MRGPRE: variants seen among roughly 807,000 people sequenced by gnomAD.
MRGPRE encodes MAS related GPR family member E, also known as mas-related G protein-coupled receptor member E.
For synonymous variants in MRGPRE, 229 were observed against 206.7 expected (o/e 1.11, Z -0.92); for missense variants, 466 against 433.4 (o/e 1.08, Z -0.67).
At position 3,231,428 on chromosome 11, in the gene MRGPRE, A is replaced by G. The variant is rs1481208880; in HGVS notation, c.-62+713T>C. ...CTGGAGGAGGTCTCCCTGTGGGACC[A>G]TGTGCCCCACTGGGGGCTCGGGAGG... On this transcript the variant is annotated intron_variant, in intron 1 of 1. Transcript: ENST00000389832. The surrounding 1 kb of genome is among the most constrained non-coding windows in gnomAD (Gnocchi z 4.7). Among the ~76,000 whole-genome samples the G allele has an allele frequency of 6.6e-6, 1 of 151,816 alleles. No homozygotes were observed. Among genetic ancestry groups the G allele is most frequent in the Non-Finnish European group, 1.5e-5 (1 of 67,942 alleles).
rs557422757 is a variant in MRGPRE at position 3,230,116 on chromosome 11, C to T, written c.-61-1256G>A. Among the ~76,000 whole-genome samples, 1 of 152,294 alleles carries T rather than the reference C, an allele frequency of 6.6e-6. No homozygotes were observed. The highest frequency in any genetic ancestry group is 2.4e-5 in the African/African-American group (1 of 41,554). On this transcript the variant is annotated intron_variant, in intron 1 of 1. Transcript: ENST00000389832. The surrounding 1 kb of genome is among the most constrained non-coding windows in gnomAD (Gnocchi z 5.5). ...GAGCCGGAGACATGCCTGCAGATAC[C>T]CGGCCCCATGCTGCCCCTGTGGTTA...
Position 3,227,945 on chromosome 11 carries a change from G to A in MRGPRE, c.855C>T (p.Val285=). ...AQGRRLPLRL[V]LQRALGDEAE... ...CCTCGTCTCCCAGCGCTCGCTGGAGGACCAGCCGGAGGGGCAGCCTGCGGC... is the reference window on the plus strand; with the variant it reads ...CCTCGTCTCCCAGCGCTCGCTGGAGAACCAGCCGGAGGGGCAGCCTGCGGC... The change falls in exon 2 of 2, where the codon GTC becomes GTT. Residue 285 remains valine (V), a synonymous_variant. Coordinates refer to ENST00000389832, the MANE Select transcript of MRGPRE (RefSeq NM_001039165.4). 1 of 1,553,568 alleles carries A rather than the reference G, an allele frequency of 6.4e-7. No individual in the cohort carries two copies. Among genetic ancestry groups the A allele is most frequent in the South Asian group, 1.2e-5 (1 of 84,086 alleles).
rs1226396016 is a variant in MRGPRE at position 3,229,814 on chromosome 11, T to A, written c.-61-954A>T. Among the ~76,000 whole-genome samples, 2 of 152,210 alleles carry A rather than the reference T, an allele frequency of 1.3e-5. No individual in the cohort carries two copies. The highest frequency in any genetic ancestry group is 2.9e-5 in the Non-Finnish European group (2 of 68,028). The stretch of plus-strand genomic sequence containing the variant: ...CAGGGTAGGGGGCACATGAGGAGGC[T>A]GCATCCTGCTCAACGTTGCCCGCCC... On this transcript the variant is annotated intron_variant, in intron 1 of 1. Coordinates refer to ENST00000389832, the MANE Select transcript of MRGPRE (RefSeq NM_001039165.4). The surrounding 1 kb of genome is among the most constrained non-coding windows in gnomAD (Gnocchi z 4.4).
At position 3,231,063 on chromosome 11, in the gene MRGPRE, C is replaced by G. The variant is rs945857769; in HGVS notation, c.-62+1078G>C. Among the ~76,000 whole-genome samples the G allele has an allele frequency of 6.6e-6, 1 of 152,044 alleles. No homozygotes were observed. The highest frequency in any genetic ancestry group is 1.5e-5 in the Non-Finnish European group (1 of 68,004). ...TGGACCCCCTCCCAGGCACAAGTCC[C>G]GTCCACCCATGGACGGAGCTATCTC... On this transcript the variant is annotated intron_variant, in intron 1 of 1. Transcript: ENST00000389832. The surrounding 1 kb of genome is among the most constrained non-coding windows in gnomAD (Gnocchi z 4.7).
rs573126710 is a variant in MRGPRE, at chr11:3,225,082, A to T, written c.*2779T>A. On this transcript the variant is annotated 3_prime_UTR_variant, in exon 2 of 2. Transcript: ENST00000389832. ...TATTTTTCCAGCGTGTGAGCTAATG[A>T]ACTAGCTGAGGAGTGAGCCTGCCTC... Among the ~76,000 whole-genome samples, 1 of 152,356 alleles carries T rather than the reference A, an allele frequency of 6.6e-6. No homozygotes were observed. Among genetic ancestry groups the T allele is most frequent in the Admixed American group, 6.5e-5 (1 of 15,312 alleles).
rs781554426 is a variant in MRGPRE at position 3,228,273 on chromosome 11, G to A, written c.527C>T (p.Thr176Met). Residue 176 changes from threonine to methionine, a missense_variant, in exon 2 of 2, where the codon ACG becomes ATG. Transcript: ENST00000389832. The part of the protein sequence containing the change: ...FGEPSRHLCR[T>M]LWLVAAVLLA... ...CAGCACCGCTGCCACCAGCCACAGC[G>A]TCCGGCACAAGTGGCGGCTGGGCTC... The A allele has an allele frequency of 2.1e-5, 33 of 1,556,602 alleles. No individual in the cohort carries two copies. The highest frequency in any genetic ancestry group is 9.5e-5 in the African/African-American group (7 of 73,592).
At position 3,228,471 on chromosome 11, in the gene MRGPRE, C is replaced by T; in HGVS notation, c.329G>A (p.Gly110Asp). The T allele has an allele frequency of 6.2e-7, 1 of 1,613,098 alleles. No homozygotes were observed. The highest frequency in any genetic ancestry group is 8.5e-7 in the Non-Finnish European group (1 of 1,179,902). Residue 110 changes from glycine to aspartate, a missense_variant, in exon 2 of 2, where the codon GGC becomes GAC. Transcript: ENST00000389832. Reference sequence around the variant, plus strand: ...GCTGACGGCCGCCAGGAGACTCAGGCCCACGATGTAGCAGAAGAAGCGCAG... The same window carrying T: ...GCTGACGGCCGCCAGGAGACTCAGGTCCACGATGTAGCAGAAGAAGCGCAG... ...ATLRFFCYIV[G>D]LSLLAAVSVE...
At position 3,226,812 on chromosome 11, in the gene MRGPRE, A is replaced by G. The variant is rs1327318652; in HGVS notation, c.*1049T>C. Among the ~76,000 whole-genome samples, 1 of 152,206 alleles carries G rather than the reference A, an allele frequency of 6.6e-6. No individual in the cohort carries two copies. The highest frequency in any genetic ancestry group is 1.9e-4 in the East Asian group (1 of 5,196). On this transcript the variant is annotated 3_prime_UTR_variant, in exon 2 of 2. Coordinates refer to ENST00000389832, the MANE Select transcript of MRGPRE (RefSeq NM_001039165.4). ...CGAGAGGCTGGACAGGCCTCAAAGC[A>G]CTGGGTTCTCATATTTTACAGACCA...
At position 3,225,131 on chromosome 11, in the gene MRGPRE, G is replaced by A. The variant is rs762214677; in HGVS notation, c.*2730C>T. Among the ~76,000 whole-genome samples the A allele has an allele frequency of 2.6e-5, 4 of 152,280 alleles. No homozygotes were observed. Among genetic ancestry groups the A allele is most frequent in the Non-Finnish European group, 4.4e-5 (3 of 68,052 alleles). ...TCTCCCCGTGAAGACGCCATGCAGC[G>A]CAGGCTGATTTACAGACTCGTACCC... On this transcript the variant is annotated 3_prime_UTR_variant, in exon 2 of 2. Transcript: ENST00000389832.
At position 3,227,333 on chromosome 11, in the gene MRGPRE, T is replaced by A. The variant is rs1847773241; in HGVS notation, c.*528A>T. The stretch of plus-strand genomic sequence containing the variant: ...CAAGGACGGGGAGGGGGTCAAGTTT[T>A]GGGCAGTCTTCCATTTTAGGGTCAA... On this transcript the variant is annotated 3_prime_UTR_variant, in exon 2 of 2. Transcript: ENST00000389832. 6.6e-6 allele frequency among the ~76,000 whole-genome samples: 1 copy of A among 152,146 alleles called. No homozygotes were observed.
In MRGPRE at chr11:3,229,212, C is replaced by CTTTTTTTTTTT. The variant is rs60799467; in HGVS notation, c.-61-363_-61-353dup. On this transcript the variant is annotated intron_variant, in intron 1 of 1. Coordinates refer to ENST00000389832, the MANE Select transcript of MRGPRE (RefSeq NM_001039165.4). This position sits in a 1 kb window ranked among gnomAD's most constrained non-coding sequence, Gnocchi z 4.4. The stretch of plus-strand genomic sequence containing the variant: ...GTGGTGCCTTGATCCTCAGAATGGG[C>CTTTTTTTTTTT]TTTTTTTTTTTTTTTTTTTTTTTTT... Among the ~76,000 whole-genome samples the CTTTTTTTTTTT allele has an allele frequency of 5.5e-5, 7 of 126,688 alleles. No homozygotes were observed. Among genetic ancestry groups the CTTTTTTTTTTT allele is most frequent in the African/African-American group, 1.7e-4 (5 of 30,002 alleles). The allele number at this position is 126,688 out of a possible 152,430, so 83.1% of individuals were successfully genotyped here. A position where few individuals can be genotyped will look rare whatever the true frequency, so the allele number is the denominator to read the frequency against.
Position 3,226,952 on chromosome 11 carries a change from T to C in MRGPRE, c.*909A>G, listed in dbSNP as rs1446364277. Among the ~76,000 whole-genome samples the C allele has an allele frequency of 6.6e-6, 1 of 152,214 alleles. No individual in the cohort carries two copies. Among genetic ancestry groups the C allele is most frequent in the Non-Finnish European group, 1.5e-5 (1 of 68,028 alleles). On this transcript the variant is annotated 3_prime_UTR_variant, in exon 2 of 2. Coordinates refer to ENST00000389832, the MANE Select transcript of MRGPRE (RefSeq NM_001039165.4). ...CCCCCACTCTAGCACCCCTGGCACA[T>C]GCTCCTGGATGGCAGCCAGGCCTGG...
At position 3,228,512 on chromosome 11, in the gene MRGPRE, C is replaced by G; in HGVS notation, c.288G>C (p.Gln96His). The G allele has an allele frequency of 6.2e-7, 1 of 1,613,818 alleles. No homozygotes were observed. Among genetic ancestry groups the G allele is most frequent in the Non-Finnish European group, 8.5e-7 (1 of 1,180,006 alleles). The change falls in exon 2 of 2, where the codon CAG (glutamine) becomes CAC (histidine). Residue 96 changes from glutamine (Q) to histidine (H), a missense_variant. Coordinates refer to ENST00000389832, the MANE Select transcript of MRGPRE (RefSeq NM_001039165.4). ...QGRLDFPGFV[Q>H]TSLATLRFFC... Reference sequence around the variant, plus strand: ...AGAAGCGCAGCGTTGCCAGGCTGGTCTGCACGAAGCCCGGGAAGTCCAGCC... The same window carrying G: ...AGAAGCGCAGCGTTGCCAGGCTGGTGTGCACGAAGCCCGGGAAGTCCAGCC...
rs750293023 is a variant in MRGPRE, at chr11:3,228,602, G to T, written c.198C>A (p.Ala66=). ...AGCCAAGGAAGATGAGATCCGCGCA[G>T]GCCACGTCCAGGAGGTAGATGGCGA... ...NPFAIYLLDV[A]CADLIFLGCH... is the part of the protein sequence containing the mutation. The change falls in exon 2 of 2, where the codon GCC becomes GCA. Residue 66 remains alanine, a synonymous_variant. Coordinates refer to ENST00000389832, the MANE Select transcript of MRGPRE (RefSeq NM_001039165.4). 6.2e-7 allele frequency: 1 copy of T among 1,614,066 alleles called. No homozygotes were observed. Among genetic ancestry groups the T allele is most frequent in the Non-Finnish European group, 8.5e-7 (1 of 1,179,996 alleles).
rs973664018 is a variant in MRGPRE at position 3,226,529 on chromosome 11, T to A, written c.*1332A>T. 1 of 152,060 alleles carries A rather than the reference T, an allele frequency of 6.6e-6. No homozygotes were observed. The highest frequency in any genetic ancestry group is 1.5e-5 in the Non-Finnish European group (1 of 68,024). The allele number at this position is 152,060 out of a possible 1,614,324, so 9.4% of individuals were successfully genotyped here. ...GTGCGGGAGCCTGAGGTGAACGCACTGTGTGGGCTGGGAGGGGCCCGGTGC... is the reference window on the plus strand; with the variant it reads ...GTGCGGGAGCCTGAGGTGAACGCACAGTGTGGGCTGGGAGGGGCCCGGTGC... On this transcript the variant is annotated 3_prime_UTR_variant, in exon 2 of 2. Transcript: ENST00000389832.
In MRGPRE at chr11:3,228,801, G is replaced by T. The variant is rs771043977; in HGVS notation, c.-2C>A. The T allele has an allele frequency of 2.5e-6, 4 of 1,600,100 alleles. No individual in the cohort carries two copies. Among genetic ancestry groups the T allele is most frequent in the South Asian group, 1.1e-5 (1 of 90,050 alleles). ...TCCAGCTTCTCTGGGCTCCATCATG[G>T]GGCGGGGGGCCAGGGGATGCTGCAG... On this transcript the variant is annotated 5_prime_UTR_variant, in exon 2 of 2. Transcript: ENST00000389832.
At position 3,230,096 on chromosome 11, in the gene MRGPRE, G is replaced by A. The variant is rs539261287; in HGVS notation, c.-61-1236C>T. 1.7e-4 allele frequency among the ~76,000 whole-genome samples: 26 copies of A among 152,290 alleles called. No individual in the cohort carries two copies. Among genetic ancestry groups the A allele is most frequent in the African/African-American group, 5.3e-4 (22 of 41,564 alleles). ...AGGAGACTGCCAGGTGCTCAGAGCC[G>A]GAGACATGCCTGCAGATACCCGGCC... On this transcript the variant is annotated intron_variant, in intron 1 of 1. Coordinates refer to ENST00000389832, the MANE Select transcript of MRGPRE (RefSeq NM_001039165.4). This position sits in a 1 kb window ranked among gnomAD's most constrained non-coding sequence, Gnocchi z 5.5.
chr11:3,227,611 G>T lies in MRGPRE; in HGVS notation c.*250C>A, dbSNP rs1422306709. ...ACCGTTGGGGAGGTTTCCCAAAAATGCACGTTCCTCGGCCTTCTCCCCAGA... is the reference window on the plus strand; with the variant it reads ...ACCGTTGGGGAGGTTTCCCAAAAATTCACGTTCCTCGGCCTTCTCCCCAGA... On this transcript the variant is annotated 3_prime_UTR_variant, in exon 2 of 2. Transcript: ENST00000389832. The T allele has an allele frequency of 2.4e-6, 1 of 416,666 alleles. No homozygotes were observed. The highest frequency in any genetic ancestry group is 4.2e-6 in the Non-Finnish European group (1 of 237,006). The allele number at this position is 416,666 out of a possible 1,614,324, so 25.8% of individuals were successfully genotyped here.
rs1192788628 is a variant in MRGPRE, at chr11:3,230,665, G to A, written c.-62+1476C>T. On this transcript the variant is annotated intron_variant, in intron 1 of 1. Transcript: ENST00000389832. This position sits in a 1 kb window ranked among gnomAD's most constrained non-coding sequence, Gnocchi z 5.5. ...GGGTGGGGGGCTCAGTGGAGAGGAG[G>A]CCCCAGTCCCAGCACCTCAGGAAGC... Among the ~76,000 whole-genome samples the A allele has an allele frequency of 8.5e-5, 13 of 152,208 alleles. No individual in the cohort carries two copies. The highest frequency in any genetic ancestry group is 2.9e-4 in the African/African-American group (12 of 41,546).
Sources: gnomAD v4.1 joint callset for allele counts (sites outside exome capture counted in the v4.1 genomes callset) on GRCh38, gnomAD v4.1.1 for gene constraint, Gnocchi (gnomAD v3.1) non-coding constraint, MANE v1.5 for transcripts, NCBI Gene and HGNC (gene_info 2026-07-23, HGNC 2026-07-21) for gene names.